GATM: variants seen among roughly 807,000 people sequenced by gnomAD.
The protein encoded by GATM is glycine amidinotransferase, also known as glycine amidinotransferase, mitochondrial.
A neutral mutation model predicts 54.2 loss-of-function variants in GATM; 23 were observed. The observed-to-expected ratio is 0.42, with a 90% confidence interval of 0.31 to 0.60. The LOEUF (loss-of-function observed/expected upper bound fraction) is 0.60. Among genes scored for constraint, GATM ranks in the 20% least tolerant of loss-of-function variants. The pLI, the probability that GATM is intolerant of heterozygous loss-of-function variation, is 0.14. For synonymous variants in GATM, 168 were observed against 183.1 expected (o/e 0.92, Z 0.67); for missense variants, 401 against 544.9 (o/e 0.74, Z 2.63).
upstream of GATM, among the ~76,000 whole-genome samples, chr15:45,381,829 C>G (rs1889744417): frequency 6.6e-6 from 1 of 152,104 alleles, no homozygotes; most frequent in Admixed American, 6.6e-5. Flanking sequence ...ATTCTCATGC[C>G]TGGAATGTAA....
In GATM at chr15:45,378,524, A is replaced by AGAGCGCGCCCGGAGCGGGGTGGGCGGGC; in HGVS notation, c.-72_-71insGCCCGCCCACCCCGCTCCGGGCGCGCTC. On this transcript the variant is annotated 5_prime_UTR_variant, in exon 1 of 9. Coordinates refer to ENST00000396659, the MANE Select transcript of GATM (RefSeq NM_001482.3). ...GGCCGCGTCGGTCCAAGCCTTCCCG[A>AGAGCGCGCCCGGAGCGGGGTGGGCGGGC]GAGCGCGCCCGGAGCGGGGTGGGCG... is the stretch of plus-strand genomic sequence containing the variant. 8.1e-7 allele frequency: 1 copy of AGAGCGCGCCCGGAGCGGGGTGGGCGGGC among 1,239,414 alleles called. No individual in the cohort carries two copies. Among genetic ancestry groups the AGAGCGCGCCCGGAGCGGGGTGGGCGGGC allele is most frequent in the Non-Finnish European group, 1.0e-6 (1 of 969,994 alleles). 76.8% of individuals were successfully genotyped at this position (1,239,414 alleles called of 1,614,324 possible).
At chr15:45,392,252 C>A (rs1889881009) in intron 3 of GATM, among the ~76,000 whole-genome samples, 1 of 152,218 alleles carries the variant, frequency 6.6e-6, no homozygotes, top group Non-Finnish European at 1.5e-5. Flanking sequence ...GAAAAAGATG[C>A]TGAGAGCAAG....
chr15:45,381,016 A>G (rs1212901505), upstream of GATM, among the ~76,000 whole-genome samples: 3 of 152,174 alleles, frequency 2.0e-5, no homozygotes, highest in African/African-American at 7.2e-5. Flanking sequence ...TGACCTCATC[A>G]ATTTAAAGTA....
intron 3 of GATM, among the ~76,000 whole-genome samples, chr15:45,392,507 T>G (rs1889883718): frequency 6.6e-6 from 1 of 152,114 alleles, no homozygotes; most frequent in East Asian, 1.9e-4. Context: ...GAACGTGGGG[T>G]AGGTAAACAC....
intron 7 of GATM, 38 bp from the exon 8 acceptor site, chr15:45,364,054 C>A (rs993327825): frequency 1.1e-5 from 14 of 1,220,142 alleles, no homozygotes; most frequent in South Asian, 1.2e-5. Flanking sequence ...TGTCCGCTAT[C>A]ATTTTTGTTT....
chr15:45,400,134 A>G (rs984548374), intron 1 of GATM, among the ~76,000 whole-genome samples: 1 of 152,222 alleles, frequency 6.6e-6, no homozygotes, highest in Admixed American at 6.5e-5. Context: ...AGGCAGGAGA[A>G]TTGCTTGAAC....
At chr15:45,388,720 G>A (rs959392413) in intron 3 of GATM, among the ~76,000 whole-genome samples, 2 of 152,122 alleles carry the variant, frequency 1.3e-5, no homozygotes, top group African/African-American at 2.4e-5. Context: ...CCTTTTCATC[G>A]TATCGTATCA....
upstream of GATM, chr15:45,378,757 C>T: frequency 3.0e-6 from 1 of 330,466 alleles, no homozygotes; most frequent in Non-Finnish European, 5.5e-6. Context: ...CACGTCCGGA[C>T]CCGGACCCAG....
intron 3 of GATM, among the ~76,000 whole-genome samples, chr15:45,386,136 G>A (rs1889801383): frequency 6.6e-6 from 1 of 152,200 alleles, no homozygotes; most frequent in Non-Finnish European, 1.5e-5. Context: ...GGTTGGAAGT[G>A]ATCTCTGGCT....
At chr15:45,394,295 CT>C (rs1403967216) in intron 3 of GATM, among the ~76,000 whole-genome samples, 16 of 152,188 alleles carry the variant, frequency 1.1e-4, no homozygotes, top group Non-Finnish European at 2.2e-4. Flanking sequence ...TAATGCCTAT[CT>C]GATGATCTGA....
rs748841641 is a variant in GATM at position 45,366,060 on chromosome 15, G to A, written c.964C>T (p.Arg322Ter). 2.5e-6 allele frequency: 4 copies of A among 1,614,044 alleles called. No individual in the cohort carries two copies. Among genetic ancestry groups the A allele is most frequent in the Non-Finnish European group, 2.5e-6 (3 of 1,179,992 alleles). The change falls in exon 6 of 9, where the codon CGA (arginine) becomes TGA (stop). Residue 322 changes from arginine to a stop codon, truncating the protein, a stop_gained. Coordinates refer to ENST00000396659, the MANE Select transcript of GATM (RefSeq NM_001482.3). LOFTEE classifies it high-confidence loss of function. ...GPGIVLSNPDRPCHQIDLFKK... is the reference protein window; with the variant it reads ...GPGIVLSNPD Reference sequence around the variant, plus strand: ...AAATCTCTTACCTGGTGACATGGTCGGTCAGGGTTGGAAAGCACAATACCA... The same window carrying A: ...AAATCTCTTACCTGGTGACATGGTCAGTCAGGGTTGGAAAGCACAATACCA...
rs1479999613 is a variant in GATM, at chr15:45,368,308, A to T, written c.485-48T>A. The T allele has an allele frequency of 6.4e-7, 1 of 1,560,746 alleles. No individual in the cohort carries two copies. ...GACAACTTCAGTAGTGTTAATTTCC[A>T]AGACAAAAAAGGTCTATATAGGGCC... is the stretch of plus-strand genomic sequence containing the variant. On this transcript the variant is annotated intron_variant, in intron 3 of 8. Transcript: ENST00000396659. The surrounding 1 kb of genome is among the most constrained non-coding windows in gnomAD (Gnocchi z 5.1).
At chr15:45,370,383 A>AAAAAAG (rs535152738) in intron 2 of GATM, among the ~76,000 whole-genome samples, 29 of 146,776 alleles carry the variant, frequency 2.0e-4, no homozygotes, top group African/African-American at 3.2e-4. Flanking sequence ...CTCAAAAAAA[A>AAAAAAG]AAAAAGAAAA....
At chr15:45,369,736 G>A (rs1031716921) in intron 2 of GATM, 36 of 558,970 alleles carry the variant, frequency 6.4e-5, no homozygotes, top group African/African-American at 6.2e-4. Context: ...TTGATATTTT[G>A]AGGCCTTTTG....
chr15:45,388,555 T>C (rs1889833252), intron 3 of GATM, among the ~76,000 whole-genome samples: 1 of 152,266 alleles, frequency 6.6e-6, no homozygotes, highest in African/African-American at 2.4e-5. Flanking sequence ...TCTCTGACAG[T>C]ATCTTAGTCT....
chr15:45,378,978 T>C (rs1290217029), upstream of GATM: 2 of 152,190 alleles, frequency 1.3e-5, no homozygotes, highest in African/African-American at 4.8e-5. Flanking sequence ...AAAGATTAGG[T>C]GGTTTCTTGG....
intron 3 of GATM, among the ~76,000 whole-genome samples, chr15:45,390,923 T>A (rs1252427796): frequency 6.6e-6 from 1 of 152,138 alleles, no homozygotes; most frequent in Non-Finnish European, 1.5e-5. Context: ...GCACCATGAA[T>A]GCAGATGTGG....
At chr15:45,363,730 G>A (rs1889402754) in intron 8 of GATM, 170 bp downstream of exon 8, 5 of 630,214 alleles carry the variant, frequency 7.9e-6, no homozygotes, top group Admixed American at 7.3e-5. Flanking sequence ...TTGGGGCTAC[G>A]TGTGTTGAAA....
At chr15:45,382,130 C>A (rs574619949), upstream of GATM, among the ~76,000 whole-genome samples, 1 of 152,184 alleles carries the variant, frequency 6.6e-6, no homozygotes, top group South Asian at 2.1e-4. Flanking sequence ...GGAGTCTGTT[C>A]ATCCAGATCT....
Sources: gnomAD v4.1 joint callset for allele counts (sites outside exome capture counted in the v4.1 genomes callset) on GRCh38, gnomAD v4.1.1 for gene constraint, Gnocchi (gnomAD v3.1) non-coding constraint, MANE v1.5 for transcripts, NCBI Gene and HGNC (gene_info 2026-07-23, HGNC 2026-07-21) for gene names.